The following ZNF157 variants were observed in gnomAD, a reference collection of about 807,000 sequenced individuals.
The protein encoded by ZNF157 is zinc finger protein 157, also known as zinc finger protein 22.
In ZNF157, 8 loss-of-function variants were observed where a neutral mutation model predicts 9.4. The observed-to-expected ratio is 0.85, with a 90% CI of 0.50 to 1.53. The LOEUF is 1.53. Ranked by LOEUF, ZNF157 falls within the 40% of genes most tolerant of loss-of-function variation. ZNF157 has a pLI of 0.00. For synonymous variants in ZNF157, 120 were observed against 130.8 expected (o/e 0.92, Z 0.56); for missense variants, 316 against 385.2 (o/e 0.82, Z 1.50).
At chrX:47,378,559 C>A (rs892711018) in intron 1 of ZNF157, among the ~76,000 whole-genome samples, 1 of 112,204 alleles carries the variant, frequency 8.9e-6, no homozygotes, top group Non-Finnish European at 1.9e-5. Flanking sequence ...AAGTTCCTCT[C>A]ACGCTGGGCG....
chrX:47,381,317 AG>A (rs769227038), intron 1 of ZNF157, among the ~76,000 whole-genome samples: 86 of 110,842 alleles, frequency 7.8e-4, no homozygotes, highest in African/African-American at 2.7e-3. Context: ...GTGGGGTTTG[AG>A]GGGGGGTGCT....
chrX:47,391,910 G>A lies in ZNF157; in HGVS notation c.73-18366G>A, dbSNP rs188002716. ...TGTATTGATTTTTTTTTTTTTTTGA[G>A]AGGGAGTCTCGCTCTGTCGCCCAGG... is the stretch of plus-strand genomic sequence containing the variant. On this transcript the variant is annotated intron_variant, in intron 1 of 3. Coordinates refer to ENST00000377073, the MANE Select transcript of ZNF157 (RefSeq NM_003446.4). 1.9e-3 allele frequency among the ~76,000 whole-genome samples: 184 copies of A among 98,531 alleles called. 1 individual carries two copies. The highest frequency in any genetic ancestry group is 6.8e-3 in the African/African-American group (177 of 26,222). 85.6% of individuals were successfully genotyped at this position (98,531 alleles called of 115,157 possible).
chrX:47,413,456 G>A lies in ZNF157; in HGVS notation c.1383G>A (p.Gln461=), dbSNP rs759123848. 8.3e-7 allele frequency: 1 copy of A among 1,211,470 alleles called. No homozygotes were observed. Among genetic ancestry groups the A allele is most frequent in the South Asian group, 1.8e-5 (1 of 56,953 alleles). Residue 461 remains glutamine, a synonymous_variant, in exon 4 of 4, where the codon CAG becomes CAA. Coordinates refer to ENST00000377073, the MANE Select transcript of ZNF157 (RefSeq NM_003446.4). The stretch of plus-strand genomic sequence containing the variant: ...TGAAAGTACGCCTCATTGAACATCA[G>A]CGAATTCACACAGGAGAGAGACCCT... The part of the protein sequence containing the change: ...FYVKVRLIEH[Q]RIHTGERPFE...
chrX:47,405,110 G>A (rs1317303036), intron 1 of ZNF157, among the ~76,000 whole-genome samples: 7 of 111,206 alleles, frequency 6.3e-5, no homozygotes, highest in East Asian at 5.7e-4. Context: ...GGGGGAGGCC[G>A]GACGTGGTGG....
At chrX:47,388,649 G>A (rs145206823) in intron 1 of ZNF157, 2,180 of 146,977 alleles carry the variant, frequency 0.015, 51 homozygotes, top group African/African-American at 0.062. Context: ...GAAATCCTCT[G>A]GGGTGTGCTC....
intron 1 of ZNF157, among the ~76,000 whole-genome samples, chrX:47,372,203 A>T: frequency 9.0e-6 from 1 of 110,668 alleles, no homozygotes; most frequent in Middle Eastern, 4.6e-3. Context: ...GGGGCTGGTC[A>T]CCAGAAAGAC....
intron 1 of ZNF157, among the ~76,000 whole-genome samples, chrX:47,373,203 A>C (rs1004221770): frequency 6.3e-5 from 7 of 110,964 alleles, no homozygotes; most frequent in African/African-American, 2.3e-4. Context: ...TGTCTTAAAA[A>C]AAAATCCTTT....
chrX:47,375,109 C>T (rs796775982), intron 1 of ZNF157, among the ~76,000 whole-genome samples: 7 of 95,595 alleles, frequency 7.3e-5, no homozygotes, highest in African/African-American at 2.4e-4. Flanking sequence ...CTCTGCCTCC[C>T]GGGTTCAAGT....
intron 1 of ZNF157, among the ~76,000 whole-genome samples, chrX:47,383,877 G>A (rs1302021221): frequency 9.1e-6 from 1 of 109,761 alleles, no homozygotes; most frequent in African/African-American, 3.3e-5. Flanking sequence ...ATCCATTAGT[G>A]AAGCTGTAAC....
chrX:47,377,996 C>T (rs2055850153), intron 1 of ZNF157, among the ~76,000 whole-genome samples: 1 of 110,950 alleles, frequency 9.0e-6, no homozygotes, highest in Non-Finnish European at 1.9e-5. Context: ...TGCCCGCTGC[C>T]TAGACAGAGC....
chrX:47,377,159 C>G (rs1181059234), intron 1 of ZNF157, among the ~76,000 whole-genome samples: 2 of 109,649 alleles, frequency 1.8e-5, no homozygotes, highest in Non-Finnish European at 3.8e-5. Flanking sequence ...AAGACAGCTT[C>G]CATTCCCTAC....
chrX:47,411,076 C>T (rs1252182427), intron 3 of ZNF157, among the ~76,000 whole-genome samples: 1 of 108,489 alleles, frequency 9.2e-6, no homozygotes, highest in Non-Finnish European at 1.9e-5. Context: ...ACAACCTCCA[C>T]CTCCCGGGCT....
In ZNF157 at chrX:47,414,047, TG is replaced by T. The variant is rs1569261946; in HGVS notation, c.*454del. 1 of 110,813 alleles carries T rather than the reference TG, an allele frequency of 9.0e-6. No individual in the cohort carries two copies. Among genetic ancestry groups the T allele is most frequent in the Non-Finnish European group, 1.9e-5 (1 of 53,031 alleles). The allele number at this position is 110,813 out of a possible 1,213,427, so 9.1% of individuals were successfully genotyped here. A position where few individuals can be genotyped will look rare whatever the true frequency, so the allele number is the denominator to read the frequency against. On this transcript the variant is annotated 3_prime_UTR_variant, in exon 4 of 4. Coordinates refer to ENST00000377073, the MANE Select transcript of ZNF157 (RefSeq NM_003446.4). ...ATTTTTTTGAGATGGAGTCTCACTCTGTCACCCAGGCTGGAGTGCAATGGCA... is the reference window on the plus strand; with the variant it reads ...ATTTTTTTGAGATGGAGTCTCACTCTTCACCCAGGCTGGAGTGCAATGGCA...
chrX:47,409,977 T>C (rs1016091572), intron 1 of ZNF157, among the ~76,000 whole-genome samples: 2 of 111,895 alleles, frequency 1.8e-5, no homozygotes, highest in Non-Finnish European at 3.8e-5. Flanking sequence ...CCCAGCAACT[T>C]GCACACGTCC....
At chrX:47,401,765 G>T (rs142601083) in intron 1 of ZNF157, among the ~76,000 whole-genome samples, 1 of 111,638 alleles carries the variant, frequency 9.0e-6, no homozygotes, top group East Asian at 2.8e-4. Context: ...TTTGAGACAA[G>T]GTCTCACTAT....
At chrX:47,402,832 G>A (rs1292363327) in intron 1 of ZNF157, among the ~76,000 whole-genome samples, 1 of 108,506 alleles carries the variant, frequency 9.2e-6, no homozygotes, top group African/African-American at 3.3e-5. Context: ...GTGAGCCACC[G>A]TGCCCGGCCT....
intron 1 of ZNF157, among the ~76,000 whole-genome samples, chrX:47,402,974 C>T (rs2055935067): frequency 9.2e-6 from 1 of 109,193 alleles, no homozygotes; most frequent in African/African-American, 3.3e-5. Flanking sequence ...ATTAAATAAG[C>T]TCCAGACTGG....
rs751743311 is a variant in ZNF157, at chrX:47,410,846, G to A, written c.295+71G>A. ...AGAGCCCAGGAATTCAGGTCAAAGGGTATGCTTGTGCAACACTTTCTAGGA... is the reference window on the plus strand; with the variant it reads ...AGAGCCCAGGAATTCAGGTCAAAGGATATGCTTGTGCAACACTTTCTAGGA... On this transcript the variant is annotated intron_variant, in intron 3 of 3. Transcript: ENST00000377073. 11 of 855,646 alleles carry A rather than the reference G, an allele frequency of 1.3e-5. No homozygotes were observed. In the East Asian group the frequency reaches 3.4e-4, roughly 27 times the overall value. 70.5% of individuals were successfully genotyped at this position (855,646 alleles called of 1,213,427 possible).
chrX:47,406,375 TC>T (rs753496289), intron 1 of ZNF157, among the ~76,000 whole-genome samples: 16 of 110,382 alleles, frequency 1.4e-4, no homozygotes, highest in Non-Finnish European at 3.0e-4. Flanking sequence ...TCTCTCTCTC[TC>T]TCTTTTTCTT....
Sources: gnomAD v4.1 joint callset for allele counts (sites outside exome capture counted in the v4.1 genomes callset) on GRCh38, gnomAD v4.1.1 for gene constraint, MANE v1.5 for transcripts, NCBI Gene and HGNC (gene_info 2026-07-23, HGNC 2026-07-21) for gene names.